The following STIL variants were observed in gnomAD, a reference collection of about 807,000 sequenced individuals.
STIL encodes the protein STIL centriolar assembly protein.
STIL carries 55 observed loss-of-function variants against 110.1 expected under a neutral mutation model. That is an observed-to-expected ratio of 0.50 (90% confidence interval 0.40 to 0.63). The LOEUF is 0.63. Among genes scored for constraint, STIL ranks in the 20% least tolerant of loss-of-function variants. STIL has a pLI of 0.00. For missense variants in STIL, 1,358 were observed against 1,530.0 expected (o/e 0.89, Z 1.87); for synonymous variants, 481 against 530.0 (o/e 0.91, Z 1.27).
chr1:47,310,419 GA>G, intron 1 of STIL, 57 bp from the exon 2 acceptor site: 1 of 1,103,456 alleles, frequency 9.1e-7, no homozygotes, highest in Non-Finnish European at 1.3e-6. Context: ...AGAAAAATAT[GA>G]TTTAACCACA....
intron 6 of STIL, among the ~76,000 whole-genome samples, chr1:47,298,838 G>C (rs1645715733): frequency 6.6e-6 from 1 of 151,842 alleles, no homozygotes; most frequent in Admixed American, 6.6e-5. Context: ...CTGCCTCCCA[G>C]GTTCAAGCGA....
chr1:47,287,800 T>C (rs192673947), intron 9 of STIL, 140 bp from the exon 10 acceptor site: 1 of 669,726 alleles, frequency 1.5e-6, no homozygotes, highest in African/African-American at 1.8e-5. Flanking sequence ...TTGTAAACTG[T>C]CCAGTTCCCT....
Position 47,287,275 on chromosome 1 carries a change from T to G in STIL, c.1133+276A>C, listed in dbSNP as rs543793519. On this transcript the variant is annotated intron_variant, in intron 10 of 16. Transcript: ENST00000371877. ...GCACTAAACAAAACAGGGAGCAGAT[T>G]CTTGCTAAGCAAGATAATTTTTTGA... is the stretch of plus-strand genomic sequence containing the variant. Among the ~76,000 whole-genome samples, 109 of 152,240 alleles carry G rather than the reference T, an allele frequency of 7.2e-4. 2 individuals are homozygous for G. In the South Asian group the frequency reaches 0.015, roughly 21 times the overall value.
chr1:47,275,042 C>T (rs529127901), intron 12 of STIL, among the ~76,000 whole-genome samples: 2 of 151,986 alleles, frequency 1.3e-5, no homozygotes, highest in South Asian at 4.2e-4. Flanking sequence ...ATCCCAGCTA[C>T]TCAGGTGATA....
intron 1 of STIL, among the ~76,000 whole-genome samples, chr1:47,310,786 A>G (rs1350756447): frequency 6.6e-6 from 1 of 152,192 alleles, no homozygotes; most frequent in Non-Finnish European, 1.5e-5. Context: ...TCATTAAAGA[A>G]TCTTCATTGG....
At chr1:47,298,754 G>GT (rs1362474727) in intron 6 of STIL, among the ~76,000 whole-genome samples, 1 of 150,468 alleles carries the variant, frequency 6.6e-6, no homozygotes, top group Admixed American at 6.6e-5. Context: ...TTGTTTTTTG[G>GT]TTTTTTTGAG....
At position 47,267,522 on chromosome 1, in the gene STIL, T is replaced by G. The variant is rs142727665; in HGVS notation, c.2615+2113A>C. On this transcript the variant is annotated intron_variant, in intron 14 of 16. Transcript: ENST00000371877. ...GAGTTCAAGACCACCCTGGCTAACATGGCAAAACCCTGTCTCTACTAAAAA... is the reference window on the plus strand; with the variant it reads ...GAGTTCAAGACCACCCTGGCTAACAGGGCAAAACCCTGTCTCTACTAAAAA... Among the ~76,000 whole-genome samples the G allele has an allele frequency of 3.2e-4, 49 of 152,042 alleles. 1 individual carries two copies. The East Asian group carries it at 8.6e-3, about 27-fold the overall frequency.
At chr1:47,274,685 A>G (rs1435359323) in intron 12 of STIL, among the ~76,000 whole-genome samples, 1 of 150,568 alleles carries the variant, frequency 6.6e-6, no homozygotes, top group Admixed American at 6.6e-5. Context: ...CCTCTCCTCA[A>G]GCTGCATCTT....
At position 47,305,379 on chromosome 1, in the gene STIL, C is replaced by A. The variant is rs148243161; in HGVS notation, c.45-383G>T. 1,020 of 199,796 alleles carry A rather than the reference C, an allele frequency of 5.1e-3. 6 individuals are homozygous for A. The highest frequency in any genetic ancestry group is 0.029 in the East Asian group (197 of 6,716). 12.4% of individuals were successfully genotyped at this position (199,796 alleles called of 1,614,324 possible). On this transcript the variant is annotated intron_variant, in intron 2 of 16. Coordinates refer to ENST00000371877, the MANE Select transcript of STIL (RefSeq NM_001048166.1). ...ACCTCAAGTCATCCACCTGCCTCGG[C>A]CTCCCAAAGTGCTAGGATTACAGGC...
chr1:47,266,338 C>T (rs1268455193), intron 14 of STIL, among the ~76,000 whole-genome samples: 1 of 152,142 alleles, frequency 6.6e-6, no homozygotes. Context: ...CACTGCCTGC[C>T]CCATGTCACC....
rs11211487 is a variant in STIL at position 47,250,559 on chromosome 1, C to T, written c.*577G>A. 10,563 of 159,578 alleles carry T rather than the reference C, an allele frequency of 0.066. 1,198 individuals carry two copies. Among genetic ancestry groups the T allele is most frequent in the African/African-American group, 0.24 (10,000 of 41,680 alleles). The allele number at this position is 159,578 out of a possible 1,614,324, so 9.9% of individuals were successfully genotyped here. A position where few individuals can be genotyped will look rare whatever the true frequency, so the allele number is the denominator to read the frequency against. On this transcript the variant is annotated 3_prime_UTR_variant, in exon 17 of 17. Coordinates refer to ENST00000371877, the MANE Select transcript of STIL (RefSeq NM_001048166.1). Reference sequence around the variant, plus strand: ...GTATAGCTGGGCGCAGTGGCTCACGCCTGTAATCCCAGCACTTTAGGAGGC... The same window carrying T: ...GTATAGCTGGGCGCAGTGGCTCACGTCTGTAATCCCAGCACTTTAGGAGGC...
intron 12 of STIL, among the ~76,000 whole-genome samples, chr1:47,277,683 G>GAGGTGATA (rs1410726089): frequency 6.6e-6 from 1 of 152,112 alleles, no homozygotes; most frequent in Non-Finnish European, 1.5e-5. Flanking sequence ...GACGAGATGA[G>GAGGTGATA]AGGTGATACC....
chr1:47,313,739 TTG>T (rs1646207879), intron 1 of STIL, among the ~76,000 whole-genome samples: 1 of 152,172 alleles, frequency 6.6e-6, no homozygotes, highest in African/African-American at 2.4e-5. Context: ...GAGCCAGAAA[TTG>T]TGAGGAATGC....
At chr1:47,286,670 G>C (rs1645309950) in intron 10 of STIL, among the ~76,000 whole-genome samples, 1 of 151,798 alleles carries the variant, frequency 6.6e-6, no homozygotes, top group South Asian at 2.1e-4. Flanking sequence ...CTCCAGCCTG[G>C]GCGACAGAGC....
intron 11 of STIL, 73 bp from the exon 12 acceptor site, chr1:47,281,282 A>G (rs978894728): frequency 5.7e-6 from 8 of 1,396,538 alleles, no homozygotes; most frequent in Non-Finnish European, 7.7e-6. Flanking sequence ...TCCTCAGACC[A>G]GTATTTCCCA....
At chr1:47,252,053 C>G in intron 16 of STIL, 131 bp from the exon 17 acceptor site, 1 of 923,466 alleles carries the variant, frequency 1.1e-6, no homozygotes, top group South Asian at 1.8e-5. Flanking sequence ...TCTAACTACT[C>G]AGACATCTAA....
rs368360662 is a variant in STIL at position 47,259,259 on chromosome 1, T to TACAGGTGTG, written c.3080+1021_3080+1029dup. ...CCTCGGCTTCCCAAAGTGCTGGGAT[T>TACAGGTGTG]ACAGGTGTGAGGTACCGCGCCCGGC... On this transcript the variant is annotated intron_variant, in intron 16 of 16. Transcript: ENST00000371877. Among the ~76,000 whole-genome samples the TACAGGTGTG allele has an allele frequency of 7.1e-3, 1,045 of 147,342 alleles. 10 individuals carry two copies. Among genetic ancestry groups the TACAGGTGTG allele is most frequent in the African/African-American group, 0.025 (983 of 39,666 alleles).
intron 7 of STIL, 71 bp from the exon 8 acceptor site, chr1:47,293,615 G>T: frequency 7.8e-7 from 1 of 1,282,956 alleles, no homozygotes; most frequent in Non-Finnish European, 1.1e-6. Context: ...TTCTTCCTAA[G>T]ATAACAAAGT....
At chr1:47,269,974 C>T (rs1046446864) in intron 13 of STIL, 108 bp from the exon 14 acceptor site, 104 of 1,017,874 alleles carry the variant, frequency 1.0e-4, no homozygotes, top group South Asian at 2.0e-4. Context: ...CAATGGCTCA[C>T]GCCTATAATC....
Sources: allele counts gnomAD v4.1 joint callset (sites outside exome capture counted in the v4.1 genomes callset), GRCh38; gene constraint gnomAD v4.1.1; transcripts MANE v1.5; gene names NCBI Gene and HGNC (gene_info 2026-07-23, HGNC 2026-07-21).